The following MTA3 variants were observed in gnomAD, a reference collection of about 807,000 sequenced individuals.
MTA3 encodes the protein metastasis associated 1 family member 3.
In MTA3, 34 loss-of-function variants were observed where a neutral mutation model predicts 83.5. The ratio of observed to expected loss-of-function variants is 0.41; its 90% CI spans 0.31 to 0.54. The LOEUF is 0.54. Among genes scored for constraint, MTA3 ranks in the 20% least tolerant of loss-of-function variants. The pLI, the probability that MTA3 is intolerant of heterozygous loss-of-function variation, is 0.33. For synonymous variants in MTA3, 303 were observed against 252.7 expected (o/e 1.20, Z -1.89); for missense variants, 761 against 726.4 (o/e 1.05, Z -0.55).
At position 42,740,876 on chromosome 2, in the gene MTA3, C is replaced by T. The variant is rs564611326; in HGVS notation, c.1760-12498C>T. Among the ~76,000 whole-genome samples, 7 of 152,374 alleles carry T rather than the reference C, an allele frequency of 4.6e-5. No individual in the cohort carries two copies. In the East Asian group the frequency reaches 1.2e-3, roughly 25 times the overall value. On this transcript the variant is annotated intron_variant, in intron 16 of 16. Coordinates refer to ENST00000405094, the MANE Select transcript of MTA3 (RefSeq NM_001330442.2). ...GAACACTGGCTTCAACTTAAAAAGT[C>T]ACCAGCTGCATTAGCCTCTAACAAG...
At position 42,568,701 on chromosome 2, in the gene MTA3, C is replaced by CGGCG. The variant is rs1678084113; in HGVS notation, c.-38_-35dup. 2 of 1,197,980 alleles carry CGGCG rather than the reference C, an allele frequency of 1.7e-6. No individual in the cohort carries two copies. Among genetic ancestry groups the CGGCG allele is most frequent in the South Asian group, 4.1e-5 (1 of 24,118 alleles). The allele number at this position is 1,197,980 out of a possible 1,614,324, so 74.2% of individuals were successfully genotyped here. A position where few individuals can be genotyped will look rare whatever the true frequency, so the allele number is the denominator to read the frequency against. On this transcript the variant is annotated 5_prime_UTR_variant, in exon 1 of 17. Coordinates refer to ENST00000405094, the MANE Select transcript of MTA3 (RefSeq NM_001330442.2). ...GCTGAGGCTGAGGAGGAGGCGGCGG[C>CGGCG]GGCGGGCGGGGCTCGGCTCGGGCTC...
At chr2:42,587,498 G>A (rs1205672418) in intron 3 of MTA3, among the ~76,000 whole-genome samples, 1 of 152,052 alleles carries the variant, frequency 6.6e-6, no homozygotes, top group African/African-American at 2.4e-5. Flanking sequence ...ATACAAAAAT[G>A]TATACACACG....
At chr2:42,664,732 C>T (rs899985898) in intron 8 of MTA3, among the ~76,000 whole-genome samples, 1 of 152,092 alleles carries the variant, frequency 6.6e-6, no homozygotes, top group Admixed American at 6.6e-5. Context: ...GAGAGGCCTG[C>T]AGAGAGGGCA....
Position 42,588,690 on chromosome 2 carries a change from A to G in MTA3, c.190+9490A>G, listed in dbSNP as rs745964021. ...TAATTATACTTCTTACTATTCACCTATCCCTATAGGTGTATCAATTAGTGT... is the reference window on the plus strand; with the variant it reads ...TAATTATACTTCTTACTATTCACCTGTCCCTATAGGTGTATCAATTAGTGT... On this transcript the variant is annotated intron_variant, in intron 3 of 16. Coordinates refer to ENST00000405094, the MANE Select transcript of MTA3 (RefSeq NM_001330442.2). 3.3e-5 allele frequency among the ~76,000 whole-genome samples: 5 copies of G among 152,280 alleles called. No individual in the cohort carries two copies. In the South Asian group the frequency reaches 1.0e-3, roughly 32 times the overall value.
chr2:42,538,769 T>TG (rs1287434027), intron 2 of MTA3, among the ~76,000 whole-genome samples: 1 of 109,916 alleles, frequency 9.1e-6, no homozygotes, highest in Admixed American at 8.9e-5. Context: ...TTTTTTTTGT[T>TG]TTTTTTTGTT....
intron 7 of MTA3, among the ~76,000 whole-genome samples, chr2:42,656,537 A>G (rs917565421): frequency 2.0e-5 from 3 of 152,250 alleles, no homozygotes; most frequent in African/African-American, 7.2e-5. Flanking sequence ...AGTATAAAGA[A>G]GAAATTCTTT....
At chr2:42,569,188 TGGGGTGGGGGTG>T (rs550397050) in intron 1 of MTA3, among the ~76,000 whole-genome samples, 7 of 24,744 alleles carry the variant, frequency 2.8e-4, no homozygotes, top group South Asian at 3.4e-3. Flanking sequence ...AGTGGGAGCC[TGGGGTGGGGGTG>T]GGGGTGGGGG....
rs1689171262 is a variant in MTA3, at chr2:42,656,359, T to C, written c.602+57T>C. 4 of 1,045,098 alleles carry C rather than the reference T, an allele frequency of 3.8e-6. No homozygotes were observed. In the Admixed American group the frequency reaches 7.0e-5, roughly 18 times the overall value. 64.7% of individuals were successfully genotyped at this position (1,045,098 alleles called of 1,614,324 possible). ...AAATTTCTTTATATAAAAGAATTTA[T>C]AGGTATATGTATTTTTATTTCTTTG... On this transcript the variant is annotated intron_variant, in intron 7 of 16. Coordinates refer to ENST00000405094, the MANE Select transcript of MTA3 (RefSeq NM_001330442.2).
chr2:42,612,875 T>C (rs1321041789), intron 4 of MTA3, among the ~76,000 whole-genome samples: 2 of 152,028 alleles, frequency 1.3e-5, no homozygotes, highest in East Asian at 3.9e-4. Flanking sequence ...AATAAATAAA[T>C]AAATAAATAA....
At chr2:42,628,845 G>T (rs1686392678) in intron 4 of MTA3, among the ~76,000 whole-genome samples, 1 of 144,768 alleles carries the variant, frequency 6.9e-6, no homozygotes, top group Non-Finnish European at 1.5e-5. Context: ...TCCTCGGGTT[G>T]TCCTATGTGT....
intron 12 of MTA3, among the ~76,000 whole-genome samples, chr2:42,707,127 G>T (rs181115694): frequency 2.0e-5 from 3 of 152,200 alleles, no homozygotes; most frequent in Admixed American, 6.5e-5. Context: ...ACCACACCTG[G>T]CTGACAGATA....
rs141409989 is a variant in MTA3 at position 42,645,526 on chromosome 2, A to AAAAC, written c.499+1314_499+1317dup. ...GGCAACAGAGTGAGACTTTGTCTAA[A>AAAAC]AAACAAACAAACAAACAAACAAACA... On this transcript the variant is annotated intron_variant, in intron 6 of 16. Transcript: ENST00000405094. Among the ~76,000 whole-genome samples, 495 of 150,400 alleles carry AAAAC rather than the reference A, an allele frequency of 3.3e-3. 1 individual carries two copies. The highest frequency in any genetic ancestry group is 7.7e-3 in the East Asian group (39 of 5,086).
At chr2:42,674,622 C>T (rs538519223) in intron 8 of MTA3, among the ~76,000 whole-genome samples, 2 of 125,198 alleles carry the variant, frequency 1.6e-5, no homozygotes, top group African/African-American at 6.2e-5. Context: ...TTTTTTGAGA[C>T]GGAGTCTCAC....
At chr2:42,653,311 A>G (rs762077642) in intron 6 of MTA3, among the ~76,000 whole-genome samples, 1 of 152,198 alleles carries the variant, frequency 6.6e-6, no homozygotes, top group Non-Finnish European at 1.5e-5. Flanking sequence ...AGGGGAGATT[A>G]TTATAAAGAC....
In MTA3 at chr2:42,507,505, A is replaced by T. The variant is rs75410321; in HGVS notation, c.-141+12251A>T. The stretch of plus-strand genomic sequence containing the variant: ...GAAAAAGATACATAAAATAGTTATG[A>T]GTGGTTATTTCTTGGTCGAGGGACT... On this transcript the variant is annotated intron_variant, in intron 2 of 17. Coordinates refer to the MTA3 transcript ENST00000405592. Among the ~76,000 whole-genome samples, 16 of 152,092 alleles carry T rather than the reference A, an allele frequency of 1.1e-4. No homozygotes were observed. The East Asian group carries it at 3.1e-3, about 29-fold the overall frequency.
intron 2 of MTA3, among the ~76,000 whole-genome samples, chr2:42,499,713 G>C (rs1389967935): frequency 6.6e-6 from 1 of 151,330 alleles, no homozygotes; most frequent in Non-Finnish European, 1.5e-5. Context: ...GCTTGAACCT[G>C]GGAGGCGGAG....
intron 6 of MTA3, among the ~76,000 whole-genome samples, chr2:42,650,956 G>A (rs1688659568): frequency 6.6e-6 from 1 of 152,252 alleles, no homozygotes; most frequent in African/African-American, 2.4e-5. Context: ...TTTCATTGCT[G>A]TGCCAACATC....
chr2:42,611,003 A>T (rs1684132734), intron 4 of MTA3, among the ~76,000 whole-genome samples: 1 of 139,680 alleles, frequency 7.2e-6, no homozygotes. Flanking sequence ...TTTTTTTGAG[A>T]CGGAGTCTTG....
intron 4 of MTA3, among the ~76,000 whole-genome samples, chr2:42,624,403 C>T (rs994113828): frequency 2.0e-5 from 3 of 152,034 alleles, no homozygotes; most frequent in Non-Finnish European, 4.4e-5. Flanking sequence ...CTCACTGCAA[C>T]CTCCACCTCC....
Sources: gnomAD v4.1 joint callset for allele counts (sites outside exome capture counted in the v4.1 genomes callset) on GRCh38, gnomAD v4.1.1 for gene constraint, MANE v1.5 for transcripts, NCBI Gene and HGNC (gene_info 2026-07-23, HGNC 2026-07-21) for gene names.